TBX15: variants seen among roughly 807,000 people sequenced by gnomAD.
TBX15 encodes the protein T-box transcription factor TBX15.
TBX15 carries 18 observed loss-of-function variants against 53.9 expected under a neutral mutation model. That is an observed-to-expected ratio of 0.33 (90% CI 0.23 to 0.49). The LOEUF (loss-of-function observed/expected upper bound fraction) is 0.49, where lower values mean the gene tolerates loss of function less well. Among genes scored for constraint, TBX15 ranks in the 20% least tolerant of loss-of-function variants. The pLI, the probability that TBX15 is intolerant of heterozygous loss-of-function variation, is 0.98. For missense variants in TBX15, 692 were observed against 749.5 expected (o/e 0.92, Z 0.90); for synonymous variants, 295 against 278.0 (o/e 1.06, Z -0.61).
chr1:118,932,428 T>A (rs1027876767), intron 1 of TBX15, among the ~76,000 whole-genome samples: 1 of 152,166 alleles, frequency 6.6e-6, no homozygotes, highest in African/African-American at 2.4e-5. Context: ...GTAAATGGTT[T>A]TTCCTAAGAG....
intron 1 of TBX15, among the ~76,000 whole-genome samples, chr1:118,957,400 G>C (rs1366553419): frequency 6.6e-6 from 1 of 152,152 alleles, no homozygotes; most frequent in Non-Finnish European, 1.5e-5. Context: ...GCAATGCACT[G>C]GCCTGGAGTG....
intron 7 of TBX15, among the ~76,000 whole-genome samples, chr1:118,892,289 T>G (rs1012801770): frequency 6.6e-6 from 1 of 152,204 alleles, no homozygotes. Context: ...TTCAAGATGA[T>G]TTTTTCATAT....
intron 1 of TBX15, among the ~76,000 whole-genome samples, chr1:118,937,693 G>T (rs1019792306): frequency 1.3e-5 from 2 of 152,200 alleles, no homozygotes; most frequent in African/African-American, 4.8e-5. Context: ...GAAGAAAATA[G>T]TTTGAAACAA....
chr1:118,885,404 G>T lies in TBX15; in HGVS notation c.1137C>A (p.Pro379=). 1 of 1,613,904 alleles carries T rather than the reference G, an allele frequency of 6.2e-7. No homozygotes were observed. The highest frequency in any genetic ancestry group is 8.5e-7 in the Non-Finnish European group (1 of 1,179,984). ...CTCGGCAGCCCACATTGAAAGTGTT[G>T]GGGGCCAGATGAAAAGTTGGAGGAG... The part of the protein sequence containing the change: ...SCSPPTFHLA[P]NTFNVGCRES... The change falls in exon 8 of 8, where the codon CCC becomes CCA. Residue 379 remains proline (P), a synonymous_variant. Transcript: ENST00000369429.
At chr1:118,939,472 C>G (rs865778440) in intron 1 of TBX15, among the ~76,000 whole-genome samples, 1 of 122,796 alleles carries the variant, frequency 8.1e-6, no homozygotes, top group African/African-American at 3.0e-5. Context: ...ATCTCATGTT[C>G]TTTTATAAGT....
At chr1:118,923,385 G>T (rs763877162) in intron 5 of TBX15, 51 bp downstream of exon 5, 4 of 1,609,952 alleles carry the variant, frequency 2.5e-6, no homozygotes, top group Non-Finnish European at 3.4e-6. Context: ...ATCTTATGCA[G>T]AAGGACCAAA....
intron 1 of TBX15, among the ~76,000 whole-genome samples, chr1:118,943,362 G>A (rs1176166023): frequency 1.3e-5 from 2 of 152,156 alleles, no homozygotes; most frequent in Non-Finnish European, 2.9e-5. Flanking sequence ...AAAACTGAAT[G>A]GTGTTAGGAG....
Position 118,987,810 on chromosome 1 carries a change from C to A in TBX15, c.-15G>T, listed in dbSNP as rs891146855. Reference sequence around the variant, plus strand: ...CTTTCACTCATTTTAGCCGCCCACACCCCTGCCTCCGCTTGCCCCCGCTAC... The same window carrying A: ...CTTTCACTCATTTTAGCCGCCCACAACCCTGCCTCCGCTTGCCCCCGCTAC... On this transcript the variant is annotated 5_prime_UTR_variant, in exon 1 of 8. Transcript: ENST00000369429. The A allele has an allele frequency of 6.5e-7, 1 of 1,547,902 alleles. No individual in the cohort carries two copies. The highest frequency in any genetic ancestry group is 8.7e-7 in the Non-Finnish European group (1 of 1,146,004).
intron 1 of TBX15, among the ~76,000 whole-genome samples, chr1:118,966,582 T>C (rs994226638): frequency 6.6e-6 from 1 of 151,900 alleles, no homozygotes; most frequent in Non-Finnish European, 1.5e-5. Context: ...CTGCCCAGGG[T>C]AAGGAAATGA....
chr1:118,936,473 A>C (rs1655969956), intron 1 of TBX15, among the ~76,000 whole-genome samples: 1 of 152,150 alleles, frequency 6.6e-6, no homozygotes, highest in Admixed American at 6.6e-5. Flanking sequence ...TGGGATCTTT[A>C]AAAGTTTCTT....
intron 1 of TBX15, among the ~76,000 whole-genome samples, chr1:118,949,236 G>T (rs1656440073): frequency 6.6e-6 from 1 of 152,166 alleles, no homozygotes. Flanking sequence ...TGCTGTGCAT[G>T]AATTGTCACA....
intron 1 of TBX15, among the ~76,000 whole-genome samples, chr1:118,983,441 C>T (rs1657711604): frequency 1.3e-5 from 2 of 151,744 alleles, no homozygotes; most frequent in African/African-American, 2.4e-5. Flanking sequence ...GCCCCGCGCA[C>T]CCAAAGGGCG....
intron 6 of TBX15, among the ~76,000 whole-genome samples, chr1:118,902,391 A>G (rs1654661484): frequency 6.6e-6 from 1 of 152,152 alleles, no homozygotes; most frequent in South Asian, 2.1e-4. Context: ...CTTAGGTCCC[A>G]TGTTCTTCTA....
In TBX15 at chr1:118,893,619, G is replaced by A. The variant is rs933891847; in HGVS notation, c.1024+5409C>T. 4.0e-5 allele frequency among the ~76,000 whole-genome samples: 6 copies of A among 150,140 alleles called. 1 individual carries two copies. Among genetic ancestry groups the A allele is most frequent in the African/African-American group, 1.5e-4 (6 of 40,244 alleles). ...GGAAGGAAAGAAAGAAAGAAAGAGAGAGAGAAAGAAAAAGAAAGAAAGAAA... is the reference window on the plus strand; with the variant it reads ...GGAAGGAAAGAAAGAAAGAAAGAGAAAGAGAAAGAAAAAGAAAGAAAGAAA... On this transcript the variant is annotated intron_variant, in intron 7 of 7. Coordinates refer to ENST00000369429, the MANE Select transcript of TBX15 (RefSeq NM_001330677.2).
Position 118,924,635 on chromosome 1 carries a change from CT to C in TBX15, c.693+10del. On this transcript the variant is annotated intron_variant, in intron 4 of 7. Coordinates refer to ENST00000369429, the MANE Select transcript of TBX15 (RefSeq NM_001330677.2). ...AGAGAAAGAAAGGGGAGATAGGATT[CT>C]TTGACTCACATGTCCTTGATCATCC... 2 of 1,613,962 alleles carry C rather than the reference CT, an allele frequency of 1.2e-6. No individual in the cohort carries two copies. Among genetic ancestry groups the C allele is most frequent in the Non-Finnish European group, 8.5e-7 (1 of 1,179,888 alleles).
intron 1 of TBX15, among the ~76,000 whole-genome samples, chr1:118,944,179 C>A (rs946175707): frequency 2.0e-5 from 3 of 152,158 alleles, no homozygotes; most frequent in Non-Finnish European, 4.4e-5. Flanking sequence ...AGTCTTCCTC[C>A]CAAGTCTCTC....
rs1455919508 is a variant in TBX15 at position 118,883,380 on chromosome 1, C to G, written c.*1352G>C. 1 of 152,504 alleles carries G rather than the reference C, an allele frequency of 6.6e-6. No homozygotes were observed. Among genetic ancestry groups the G allele is most frequent in the Non-Finnish European group, 1.5e-5 (1 of 68,024 alleles). 9.4% of individuals were successfully genotyped at this position (152,504 alleles called of 1,614,324 possible). A position where few individuals can be genotyped will look rare whatever the true frequency, so the allele number is the denominator to read the frequency against. ...TGAAGGGAAAGGGAAAGATGAAGGA[C>G]AAAACCCAAAACTTCAAAATGCAAT... On this transcript the variant is annotated 3_prime_UTR_variant, in exon 8 of 8. Transcript: ENST00000369429.
intron 7 of TBX15, chr1:118,890,938 G>A: frequency 7.7e-7 from 1 of 1,304,104 alleles, no homozygotes; most frequent in South Asian, 1.2e-5. Flanking sequence ...CTGATTCACT[G>A]TGTATCCTTG....
intron 1 of TBX15, among the ~76,000 whole-genome samples, chr1:118,945,023 C>T (rs1020140829): frequency 3.9e-5 from 6 of 152,190 alleles, no homozygotes; most frequent in Admixed American, 3.3e-4. Flanking sequence ...TTACACAATG[C>T]TGTTTAAAAA....
Sources: gnomAD v4.1 joint callset for allele counts (sites outside exome capture counted in the v4.1 genomes callset) on GRCh38, gnomAD v4.1.1 for gene constraint, MANE v1.5 for transcripts, NCBI Gene and HGNC (gene_info 2026-07-23, HGNC 2026-07-21) for gene names.